Variants in UMAD1 observed in about 807,000 individuals in gnomAD.
UMAD1 encodes UBAP1-MVB12-associated (UMA)-domain containing protein 1.
UMAD1 carries 8 observed loss-of-function variants against 6.1 expected under a neutral mutation model. The ratio of observed to expected loss-of-function variants is 1.30; its 90% CI spans 0.76 to 2.35. The LOEUF is 2.35. UMAD1 is among the 30% of genes most tolerant of loss of function. The pLI, the probability that UMAD1 is intolerant of heterozygous loss-of-function variation, is 0.00. For synonymous variants in UMAD1, 56 were observed against 31.4 expected, an observed-to-expected ratio of 1.78 and a Z score of -2.61; for missense variants, 130 against 78.4, an observed-to-expected ratio of 1.66 and a Z score of -2.49.
chr7:7,743,304 A>C (rs1781510349), intron 2 of UMAD1, among the ~76,000 whole-genome samples: 1 of 152,178 alleles, frequency 6.6e-6, no homozygotes, highest in Non-Finnish European at 1.5e-5. Context: ...GTAGAAATGC[A>C]ATTTGTTAAA....
chr7:7,834,131 C>G (rs1783518705), intron 3 of UMAD1, among the ~76,000 whole-genome samples: 1 of 149,898 alleles, frequency 6.7e-6, no homozygotes, highest in African/African-American at 2.5e-5. Flanking sequence ...AAGTGATTCT[C>G]CTGCCTCAGC....
chr7:7,734,493 A>G (rs772999085), intron 2 of UMAD1, among the ~76,000 whole-genome samples: 1 of 152,088 alleles, frequency 6.6e-6, no homozygotes, highest in Non-Finnish European at 1.5e-5. Flanking sequence ...TGGTGCTTTT[A>G]CTTTCAGAGC....
intron 2 of UMAD1, among the ~76,000 whole-genome samples, chr7:7,784,258 T>C (rs1002271030): frequency 1.3e-5 from 2 of 152,072 alleles, no homozygotes; most frequent in African/African-American, 4.8e-5. Flanking sequence ...GAGCTTATTA[T>C]AAGGAGTTTG....
chr7:7,689,842 C>G (rs1227010748), intron 2 of UMAD1, among the ~76,000 whole-genome samples: 2 of 152,034 alleles, frequency 1.3e-5, no homozygotes. Flanking sequence ...ATTGCTGGTA[C>G]CAAGGGAGAC....
chr7:7,736,966 G>C (rs1475628771), intron 2 of UMAD1: 1 of 152,276 alleles, frequency 6.6e-6, no homozygotes, highest in Non-Finnish European at 1.5e-5. Flanking sequence ...CAGGCCTCTG[G>C]TTTTCCTGAA....
chr7:7,864,574 C>T (rs1784190204), intron 3 of UMAD1, among the ~76,000 whole-genome samples: 1 of 149,666 alleles, frequency 6.7e-6, no homozygotes, highest in African/African-American at 2.5e-5. Flanking sequence ...GAAGAAAACC[C>T]AGCTAGACAT....
chr7:7,791,689 C>A (rs1418298318), intron 2 of UMAD1, among the ~76,000 whole-genome samples: 10 of 152,168 alleles, frequency 6.6e-5, no homozygotes, highest in Admixed American at 6.5e-4. Context: ...AAGCCCAAGA[C>A]AAGTTAATTA....
chr7:7,720,063 T>G (rs1375687346), intron 2 of UMAD1, among the ~76,000 whole-genome samples: 3 of 152,212 alleles, frequency 2.0e-5, no homozygotes, highest in Non-Finnish European at 4.4e-5. Context: ...GCCATCTGTT[T>G]GAAAATGTAT....
chr7:7,652,291 G>T (rs556729564), intron 1 of UMAD1, among the ~76,000 whole-genome samples: 1 of 152,226 alleles, frequency 6.6e-6, no homozygotes, highest in East Asian at 1.9e-4. Flanking sequence ...GTACTTCTTG[G>T]TCAATACCCA....
intron 2 of UMAD1, among the ~76,000 whole-genome samples, chr7:7,737,007 G>A (rs1781371854): frequency 6.6e-6 from 1 of 152,256 alleles, no homozygotes; most frequent in Non-Finnish European, 1.5e-5. Flanking sequence ...AGCTGCCATG[G>A]CCACCTTGCT....
intron 2 of UMAD1, among the ~76,000 whole-genome samples, chr7:7,794,382 G>T (rs530807117): frequency 6.6e-6 from 1 of 152,254 alleles, no homozygotes; most frequent in African/African-American, 2.4e-5. Context: ...GAAGAATGTG[G>T]CTTATAACAG....
chr7:7,687,288 A>G (rs1780062235), intron 2 of UMAD1: 1 of 152,222 alleles, frequency 6.6e-6, no homozygotes, highest in Admixed American at 6.5e-5. Flanking sequence ...TCTTCATTAC[A>G]TTGTTGCAGG....
chr7:7,822,796 A>G (rs1402814523), intron 3 of UMAD1, among the ~76,000 whole-genome samples: 2 of 152,118 alleles, frequency 1.3e-5, no homozygotes, highest in Non-Finnish European at 2.9e-5. Flanking sequence ...AATTGAAGAC[A>G]TATTAGTAAG....
At chr7:7,715,741 T>C (rs1163658798) in intron 2 of UMAD1, among the ~76,000 whole-genome samples, 1 of 152,164 alleles carries the variant, frequency 6.6e-6, no homozygotes, top group Non-Finnish European at 1.5e-5. Flanking sequence ...AATCAGAGTA[T>C]GTAAAGAGAT....
At chr7:7,645,697 A>G (rs1392293492) in intron 1 of UMAD1, among the ~76,000 whole-genome samples, 1 of 152,184 alleles carries the variant, frequency 6.6e-6, no homozygotes, top group Non-Finnish European at 1.5e-5. Context: ...AATTGAGATG[A>G]TTGAAATGAG....
At chr7:7,687,541 G>T (rs28912730) in intron 2 of UMAD1, among the ~76,000 whole-genome samples, 223 of 152,256 alleles carry the variant, frequency 1.5e-3, no homozygotes, top group Admixed American at 2.7e-3. Context: ...CTGGAAGGCC[G>T]ATCTATGCTT....
intron 1 of UMAD1, among the ~76,000 whole-genome samples, chr7:7,648,019 C>T (rs1257753626): frequency 6.6e-6 from 1 of 152,210 alleles, no homozygotes; most frequent in African/African-American, 2.4e-5. Context: ...CTAGGGGAGA[C>T]AAGACCCATG....
At chr7:7,861,556 A>G (rs1164454799) in intron 3 of UMAD1, among the ~76,000 whole-genome samples, 1 of 152,236 alleles carries the variant, frequency 6.6e-6, no homozygotes, top group Non-Finnish European at 1.5e-5. Flanking sequence ...GAGTAACACT[A>G]TCACTCATAC....
At chr7:7,873,020 T>A (rs1784358800) in intron 3 of UMAD1, among the ~76,000 whole-genome samples, 1 of 152,230 alleles carries the variant, frequency 6.6e-6, no homozygotes, top group African/African-American at 2.4e-5. Context: ...ATTTCTAAAA[T>A]GTTATTTATT....
Sources: allele counts gnomAD v4.1 joint callset (sites outside exome capture counted in the v4.1 genomes callset), GRCh38; gene constraint gnomAD v4.1.1; transcripts MANE v1.5; gene names NCBI Gene and HGNC (gene_info 2026-07-23, HGNC 2026-07-21).